NRCAM: variants seen among roughly 807,000 people sequenced by gnomAD.
The protein encoded by NRCAM is NgCAM-related cell adhesion molecule.
In NRCAM, 83 loss-of-function variants were observed where a neutral mutation model predicts 156.5. That is an observed-to-expected ratio of 0.53 (90% CI 0.44 to 0.64). The LOEUF (loss-of-function observed/expected upper bound fraction) is 0.64. NRCAM is among the 30% of genes least tolerant of loss of function. NRCAM has a pLI of 0.00. For synonymous variants in NRCAM, 538 were observed against 563.9 expected (o/e 0.95, Z 0.65); for missense variants, 1,417 against 1,597.3 (o/e 0.89, Z 1.92).
intron 32 of NRCAM, among the ~76,000 whole-genome samples, 162 bp from the exon 33 acceptor site, chr7:108,150,309 T>C (rs1338461779): frequency 6.6e-6 from 1 of 152,174 alleles, no homozygotes; most frequent in East Asian, 1.9e-4. Flanking sequence ...TGAGTTGGAA[T>C]GGAAATCAGG....
intron 2 of NRCAM, among the ~76,000 whole-genome samples, chr7:108,361,998 C>G (rs1035780391): frequency 7.9e-5 from 12 of 152,230 alleles, no homozygotes; most frequent in Non-Finnish European, 8.8e-5. Context: ...ACATAAAAAC[C>G]TGCATACAAA....
chr7:108,209,345 T>G (rs903721554), intron 12 of NRCAM, 76 bp downstream of exon 12: 2 of 1,004,786 alleles, frequency 2.0e-6, no homozygotes, highest in South Asian at 1.9e-5. Flanking sequence ...TTACTAAAAA[T>G]GTAATGAAAA....
At chr7:108,151,463 GTA>G (rs1306459865) in intron 32 of NRCAM, among the ~76,000 whole-genome samples, 1 of 151,420 alleles carries the variant, frequency 6.6e-6, no homozygotes, top group Non-Finnish European at 1.5e-5. Context: ...AGATGCACAA[GTA>G]TCCTGGCTCT....
intron 27 of NRCAM, among the ~76,000 whole-genome samples, 189 bp from the exon 28 acceptor site, chr7:108,175,546 C>T (rs533017919): frequency 6.6e-6 from 1 of 152,078 alleles, no homozygotes; most frequent in South Asian, 2.1e-4. Flanking sequence ...AAATCCAGTA[C>T]CAACATTTTA....
chr7:108,201,871 C>T (rs404453), intron 13 of NRCAM, among the ~76,000 whole-genome samples: 121,418 of 152,112 alleles, frequency 0.8, 48,580 homozygotes, highest in East Asian at 0.87. Context: ...TAGGTAATAA[C>T]AATGAGTAAG....
chr7:108,167,288 A>G (rs898644320), intron 29 of NRCAM, among the ~76,000 whole-genome samples: 4 of 152,212 alleles, frequency 2.6e-5, no homozygotes, highest in Non-Finnish European at 1.5e-5. Context: ...CTGGGTATCT[A>G]GCTTGCTTAT....
chr7:108,339,745 A>G (rs1271829751), intron 2 of NRCAM, among the ~76,000 whole-genome samples: 1 of 152,176 alleles, frequency 6.6e-6, no homozygotes, highest in Non-Finnish European at 1.5e-5. Context: ...ACGCTCTACG[A>G]CTAATGCTCG....
chr7:108,394,125 C>A (rs73422164), intron 2 of NRCAM, among the ~76,000 whole-genome samples: 1 of 152,162 alleles, frequency 6.6e-6, no homozygotes, highest in Non-Finnish European at 1.5e-5. Flanking sequence ...ATTGAATGCA[C>A]ATGGGCCTGG....
rs1188621093 is a variant in NRCAM at position 108,456,294 on chromosome 7, G to C, written c.-383C>G. ...CTCTGGCGCGACTGCCCAGGACCCT[G>C]GACCGCCGGTGTCCTCCGTTCTCGA... On this transcript the variant is annotated 5_prime_UTR_variant, in exon 1 of 33. Transcript: ENST00000379028. The C allele has an allele frequency of 6.6e-6, 1 of 152,192 alleles. No homozygotes were observed. The highest frequency in any genetic ancestry group is 1.5e-5 in the Non-Finnish European group (1 of 68,112). 9.4% of individuals were successfully genotyped at this position (152,192 alleles called of 1,614,324 possible).
At chr7:108,410,306 G>A (rs1793840706) in intron 1 of NRCAM, among the ~76,000 whole-genome samples, 2 of 152,146 alleles carry the variant, frequency 1.3e-5, no homozygotes, top group African/African-American at 4.8e-5. Context: ...TCTTGTTATA[G>A]TGGTTGCAGT....
chr7:108,374,870 C>T (rs1336584226), intron 2 of NRCAM, among the ~76,000 whole-genome samples: 1 of 152,056 alleles, frequency 6.6e-6, no homozygotes, highest in African/African-American at 2.4e-5. Flanking sequence ...TAATAATTTT[C>T]CTGCTCAGCA....
rs768721879 is a variant in NRCAM, at chr7:108,195,773, GGGAGA to G, written c.1446_1450del (p.Leu483AsnfsTer6). The G allele has an allele frequency of 6.3e-7, 1 of 1,591,204 alleles. No homozygotes were observed. Among genetic ancestry groups the G allele is most frequent in the Non-Finnish European group, 8.6e-7 (1 of 1,159,356 alleles). ...AGCTGCTACTTACCACTCGATGGTT[GGGAGA>G]GGAGACCCAAAGAAGGCACAGTCTA... On this transcript the variant is annotated frameshift_variant, in exon 15 of 33. Transcript: ENST00000379028. LOFTEE classifies it high-confidence loss of function.
rs759601035 is a variant in NRCAM, at chr7:108,226,258, T to A, written c.671A>T (p.His224Leu). 8.7e-6 allele frequency: 14 copies of A among 1,610,792 alleles called. No homozygotes were observed. Among genetic ancestry groups the A allele is most frequent in the Admixed American group, 3.3e-5 (2 of 59,888 alleles). Residue 224 changes from histidine to leucine, a missense_variant, in exon 9 of 33, where the codon CAT becomes CTT. Around this residue, in one of 2 missense-constraint regions of NRCAM, gnomAD observed 1,238 missense variants for 1,336.4 expected, o/e 0.93. Coordinates refer to ENST00000379028, the MANE Select transcript of NRCAM (RefSeq NM_001037132.4). The part of the protein sequence containing the change: ...EDYICYARFN[H>L]TQTIQQKQPI... The stretch of plus-strand genomic sequence containing the variant: ...TTGCTTCTGCTGTATGGTTTGAGTA[T>A]GATTAAATCTAGCATAACAGATATA...
At chr7:108,300,546 T>TA (rs1281476864) in intron 3 of NRCAM, among the ~76,000 whole-genome samples, 1 of 152,142 alleles carries the variant, frequency 6.6e-6, no homozygotes, top group Non-Finnish European at 1.5e-5. Flanking sequence ...TGTGTTAAAC[T>TA]AGGGACACCA....
intron 28 of NRCAM, among the ~76,000 whole-genome samples, 193 bp downstream of exon 28, chr7:108,175,129 G>A (rs2059995062): frequency 6.6e-6 from 1 of 152,168 alleles, no homozygotes; most frequent in Non-Finnish European, 1.5e-5. Context: ...AAAATGTTTT[G>A]AGAATTCAAT....
Position 108,191,254 on chromosome 7 carries a change from C to T in NRCAM, c.1933G>A (p.Asp645Asn), listed in dbSNP as rs769611492. The change falls in exon 19 of 33, where the codon GAT becomes AAT. Residue 645 changes from aspartate to asparagine, a missense_variant and splice_region_variant. Physicochemically the swap from Asp to Asn is conservative, Grantham distance 23. Around this residue, in one of 2 missense-constraint regions of NRCAM, gnomAD observed 1,238 missense variants for 1,336.4 expected, o/e 0.93. Transcript: ENST00000379028. ...AGAAAGAAGACTCATATTAGTTTAC[C>T]GTAAACGGGAGCTGGAGTTGGAGTA... is the stretch of plus-strand genomic sequence containing the variant. ...APTPTPAPVY[D>N]VPNPPFDLEL... The T allele has an allele frequency of 8.1e-6, 13 of 1,604,140 alleles. No homozygotes were observed. The highest frequency in any genetic ancestry group is 2.2e-5 in the East Asian group (1 of 44,674).
intron 2 of NRCAM, among the ~76,000 whole-genome samples, chr7:108,389,467 G>C (rs1392854830): frequency 6.6e-6 from 1 of 152,160 alleles, no homozygotes; most frequent in South Asian, 2.1e-4. Context: ...TCAGATGATG[G>C]GGTTTTCTAA....
intron 1 of NRCAM, among the ~76,000 whole-genome samples, chr7:108,428,159 A>G (rs1167226242): frequency 1.3e-5 from 2 of 152,336 alleles, no homozygotes; most frequent in East Asian, 3.9e-4. Context: ...ATCTTCAATG[A>G]CATTAGTCAC....
At chr7:108,375,697 C>T (rs992931209) in intron 2 of NRCAM, among the ~76,000 whole-genome samples, 13 of 152,116 alleles carry the variant, frequency 8.5e-5, no homozygotes, top group African/African-American at 3.1e-4. Flanking sequence ...ACAGCCAAAG[C>T]AAGTATACGG....
Sources: gnomAD v4.1 joint callset for allele counts (sites outside exome capture counted in the v4.1 genomes callset) on GRCh38, gnomAD v4.1.1 for gene constraint, gnomAD v4.1.1 regional missense constraint, MANE v1.5 for transcripts, NCBI Gene and HGNC (gene_info 2026-07-23, HGNC 2026-07-21) for gene names.